Variants in GSDME observed in about 807,000 individuals in gnomAD.
GSDME encodes the protein gasdermin E, also known as gasdermin-E.
A neutral mutation model predicts 47.5 loss-of-function variants in GSDME; 44 were observed. That is an observed-to-expected ratio of 0.93 (90% CI 0.73 to 1.19). The LOEUF is 1.19. Ranked by LOEUF, GSDME falls within the 50% of genes most tolerant of loss-of-function variation. The probability of loss-of-function intolerance (pLI) is 0.00; values close to 1 mark genes in which losing one functional copy is unlikely to be tolerated. For missense variants in GSDME, 663 were observed against 604.2 expected, an observed-to-expected ratio of 1.10 and a Z score of -1.02; for synonymous variants, 258 against 252.8, an observed-to-expected ratio of 1.02 and a Z score of -0.20.
chr7:24,704,592 T>G (rs1789015798), intron 8 of GSDME: 1 of 152,238 alleles, frequency 6.6e-6, no homozygotes. Context: ...CAGGATTGGT[T>G]GAAAAATTTA....
upstream of GSDME, among the ~76,000 whole-genome samples, chr7:24,761,896 A>G (rs111791547): frequency 1.3e-5 from 2 of 152,340 alleles, no homozygotes; most frequent in African/African-American, 4.8e-5. The surrounding 1 kb of genome is among the most constrained non-coding windows in gnomAD (Gnocchi z 4.4). Context: ...CTACCTCTCA[A>G]TGGGAGAAAC....
chr7:24,784,566 G>C, the GSDME span, among the ~76,000 whole-genome samples: 596 of 151,854 alleles, frequency 3.9e-3, 14 homozygotes, highest in Admixed American at 0.032. Context: ...AAAGATGAGA[G>C]TGGGAAGACT....
At position 24,735,509 on chromosome 7, in the gene GSDME, C is replaced by T. The variant is rs891663314; in HGVS notation, c.404+9053G>A. On this transcript the variant is annotated intron_variant, in intron 3 of 9. Transcript: ENST00000645220. The surrounding 1 kb of genome is among the most constrained non-coding windows in gnomAD (Gnocchi z 4.4). Reference sequence around the variant, plus strand: ...CAGTGGCTCACGCCTGTAATCCCAGCAGTTTGGGAGGCCGAGGTGGGTGTA... The same window carrying T: ...CAGTGGCTCACGCCTGTAATCCCAGTAGTTTGGGAGGCCGAGGTGGGTGTA... 6.6e-6 allele frequency among the ~76,000 whole-genome samples: 1 copy of T among 152,132 alleles called. No homozygotes were observed.
chr7:24,702,931 C>A (rs761453980), intron 8 of GSDME, 98 bp from the exon 9 acceptor site: 1 of 1,043,366 alleles, frequency 9.6e-7, no homozygotes, highest in South Asian at 1.3e-5. Flanking sequence ...TTAGTACTTT[C>A]CCGCCAGCCA....
At chr7:24,769,127 A>G in the GSDME span, among the ~76,000 whole-genome samples, 1 of 152,250 alleles carries the variant, frequency 6.6e-6, no homozygotes, top group Non-Finnish European at 1.5e-5. Context: ...AACTCTTCTT[A>G]GAATTGTCAG....
intron 3 of GSDME, among the ~76,000 whole-genome samples, chr7:24,737,239 G>A (rs187613142): frequency 5.2e-4 from 79 of 151,562 alleles, no homozygotes; most frequent in Middle Eastern, 3.4e-3. Flanking sequence ...GATAAATGAA[G>A]TTGACAAACC....
chr7:24,753,655 AT>A (rs1291762856), intron 1 of GSDME, among the ~76,000 whole-genome samples: 2 of 152,194 alleles, frequency 1.3e-5, no homozygotes, highest in Non-Finnish European at 2.9e-5. Flanking sequence ...AGACTTTTGG[AT>A]TTTTGCAAGT....
intron 3 of GSDME, among the ~76,000 whole-genome samples, chr7:24,738,551 G>C (rs1247304694): frequency 6.6e-6 from 1 of 152,012 alleles, no homozygotes; most frequent in African/African-American, 2.4e-5. Context: ...ACTACTCAAA[G>C]TAATCTATAC....
In GSDME at chr7:24,756,941, C is replaced by G. The variant is rs1172691859; in HGVS notation, c.-20+455G>C. Among the ~76,000 whole-genome samples, 3 of 152,070 alleles carry G rather than the reference C, an allele frequency of 2.0e-5. No individual in the cohort carries two copies. Among genetic ancestry groups the G allele is most frequent in the African/African-American group, 7.2e-5 (3 of 41,406 alleles). On this transcript the variant is annotated intron_variant, in intron 1 of 9. Coordinates refer to ENST00000645220, the MANE Select transcript of GSDME (RefSeq NM_001127453.2). This position sits in a 1 kb window ranked among gnomAD's most constrained non-coding sequence, Gnocchi z 4.2. ...TGAACTCCGTATCTGTTCCGCGGTC[C>G]GCCTCCCTGCACACACGCCCCCGAG...
the GSDME span, among the ~76,000 whole-genome samples, chr7:24,781,878 G>A: frequency 1.3e-5 from 2 of 151,848 alleles, no homozygotes; most frequent in African/African-American, 2.4e-5. Flanking sequence ...CAAGTAGTTG[G>A]AACTACAGGT....
At chr7:24,719,874 TTTTA>T (rs1337321038) in intron 3 of GSDME, among the ~76,000 whole-genome samples, 2 of 152,148 alleles carry the variant, frequency 1.3e-5, no homozygotes, top group Non-Finnish European at 2.9e-5. Context: ...AACTCCACTT[TTTTA>T]TTTAATCAGA....
the GSDME span, among the ~76,000 whole-genome samples, chr7:24,785,056 G>A: frequency 1.3e-5 from 2 of 152,230 alleles, no homozygotes; most frequent in African/African-American, 4.8e-5. Flanking sequence ...CCTATAGACA[G>A]TGCTTTGGGT....
intron 3 of GSDME, among the ~76,000 whole-genome samples, chr7:24,731,483 AACATCATGCTGCACGT>A (rs1391898969): frequency 6.6e-6 from 1 of 152,182 alleles, no homozygotes; most frequent in Admixed American, 6.5e-5. Flanking sequence ...GCTCAAACAA[AACATCATGCTGCACGT>A]GGAAACGCCA....
chr7:24,720,363 C>T (rs1037974497), intron 3 of GSDME, among the ~76,000 whole-genome samples: 6 of 152,152 alleles, frequency 3.9e-5, no homozygotes, highest in African/African-American at 1.4e-4. Flanking sequence ...CCATGCTGGT[C>T]TTTTTTTAAG....
At chr7:24,709,648 C>T (rs1419953390) in intron 6 of GSDME, among the ~76,000 whole-genome samples, 2 of 152,134 alleles carry the variant, frequency 1.3e-5, no homozygotes, top group African/African-American at 4.8e-5. Context: ...GCCCCCACAT[C>T]CCCGACAAAA....
rs1296827429 is a variant in GSDME, at chr7:24,756,977, C to A, written c.-20+419G>T. Among the ~76,000 whole-genome samples, 1 of 152,084 alleles carries A rather than the reference C, an allele frequency of 6.6e-6. No homozygotes were observed. Among genetic ancestry groups the A allele is most frequent in the African/African-American group, 2.4e-5 (1 of 41,392 alleles). On this transcript the variant is annotated intron_variant, in intron 1 of 9. Coordinates refer to ENST00000645220, the MANE Select transcript of GSDME (RefSeq NM_001127453.2). The surrounding 1 kb of genome is among the most constrained non-coding windows in gnomAD (Gnocchi z 4.2). ...ACACACGCCCCCGAGCCGGGAGAGC[C>A]TCCGCAGCACCCAGAGAAGAGACCG...
the GSDME span, among the ~76,000 whole-genome samples, chr7:24,789,563 A>C: frequency 6.6e-6 from 1 of 152,160 alleles, no homozygotes; most frequent in Non-Finnish European, 1.5e-5. Flanking sequence ...TTTTCCATAC[A>C]ATGTCTGGAA....
intron 5 of GSDME, among the ~76,000 whole-genome samples, chr7:24,711,815 C>CAAAAAAAA (rs35002301): frequency 1.0e-5 from 1 of 97,102 alleles, no homozygotes. Flanking sequence ...ACCTTGTCTC[C>CAAAAAAAA]AAAAAAAAAA....
chr7:24,780,855 A>T, the GSDME span, among the ~76,000 whole-genome samples: 2 of 152,242 alleles, frequency 1.3e-5, no homozygotes, highest in African/African-American at 4.8e-5. The surrounding 1 kb of genome is among the most constrained non-coding windows in gnomAD (Gnocchi z 4.1). Flanking sequence ...TGTGTATAAG[A>T]ATCACCCAAT....
Sources: gnomAD v4.1 joint callset for allele counts (sites outside exome capture counted in the v4.1 genomes callset) on GRCh38, gnomAD v4.1.1 for gene constraint, Gnocchi (gnomAD v3.1) non-coding constraint, MANE v1.5 for transcripts, NCBI Gene and HGNC (gene_info 2026-07-23, HGNC 2026-07-21) for gene names.